TFPT: variants seen among roughly 807,000 people sequenced by gnomAD.
TFPT encodes TCF3 fusion partner.
TFPT carries 27 observed loss-of-function variants against 28.8 expected under a neutral mutation model. The ratio of observed to expected loss-of-function variants is 0.94; its 90% CI spans 0.69 to 1.29. The LOEUF is 1.29. Ranked by LOEUF, TFPT falls within the 50% of genes most tolerant of loss-of-function variation. TFPT has a pLI of 0.00. For synonymous variants in TFPT, 152 were observed against 142.8 expected (o/e 1.06, Z -0.46); for missense variants, 330 against 338.0 (o/e 0.98, Z 0.19).
rs758601188 is a variant in TFPT, at chr19:54,114,449, A to G, written c.275T>C (p.Ile92Thr). The G allele has an allele frequency of 1.9e-6, 3 of 1,612,724 alleles. No individual in the cohort carries two copies. Among genetic ancestry groups the G allele is most frequent in the African/African-American group, 2.7e-5 (2 of 74,914 alleles). ...GGATCCGCACTCACCTACCTGCTCG[A>G]TCTCCCGGCAGCGCCGACCTAGTGC... ...YQALGRRCRE[I>T]EQVNERVLNR... Residue 92 changes from isoleucine to threonine, a missense_variant, in exon 2 of 6, where the codon ATC (isoleucine) becomes ACC (threonine). Physicochemically the swap from Ile to Thr is moderately conservative, Grantham distance 89. Coordinates refer to ENST00000391759, the MANE Select transcript of TFPT (RefSeq NM_013342.4).
intron 1 of TFPT, 72 bp from the exon 2 acceptor site, chr19:54,114,772 C>G: frequency 3.3e-6 from 5 of 1,531,166 alleles, no homozygotes; most frequent in Non-Finnish European, 4.4e-6. Context: ...GAACCAGGAG[C>G]CCAGACCCCA....
chr19:54,110,286 C>T (rs1207704722), intron 2 of TFPT, among the ~76,000 whole-genome samples, 165 bp from the exon 3 acceptor site: 1 of 152,132 alleles, frequency 6.6e-6, no homozygotes, highest in African/African-American at 2.4e-5. Context: ...CTCACCATGC[C>T]ACAGTCCTGA....
chr19:54,115,587 C>G lies in TFPT; in HGVS notation c.-318G>C. On this transcript the variant is annotated 5_prime_UTR_variant, in exon 1 of 6. Coordinates refer to ENST00000391759, the MANE Select transcript of TFPT (RefSeq NM_013342.4). ...CGATTCTCTGCTTAGCAGGATCGGT[C>G]CACAGCGGGACGTGAGTCCCTTTCC... 1 of 511,352 alleles carries G rather than the reference C, an allele frequency of 2.0e-6. No individual in the cohort carries two copies. The allele number at this position is 511,352 out of a possible 1,614,324, so 31.7% of individuals were successfully genotyped here. A position where few individuals can be genotyped will look rare whatever the true frequency, so the allele number is the denominator to read the frequency against.
In TFPT at chr19:54,114,700, C is replaced by A; in HGVS notation, c.24G>T (p.Gly8=). The A allele has an allele frequency of 6.2e-7, 1 of 1,611,566 alleles. No homozygotes were observed. Residue 8 remains glycine (G), a splice_region_variant and synonymous_variant, in exon 2 of 6, where the codon GGG becomes GGT. Transcript: ENST00000391759. The stretch of plus-strand genomic sequence containing the variant: ...CCTCAAAGCCCACGGCTGCCATGGT[C>A]CTGAGAGGCAGGGAAAGGCTCAGGG... MELEQRE[G]TMAAVGFEEF...
chr19:54,114,318 A>T, intron 2 of TFPT, 124 bp downstream of exon 2: 1 of 1,447,024 alleles, frequency 6.9e-7, no homozygotes, highest in Non-Finnish European at 9.3e-7. Context: ...GACTGAATAT[A>T]TAAGCTAAAT....
intron 3 of TFPT, chr19:54,108,747 A>G: frequency 5.0e-6 from 4 of 794,282 alleles, no homozygotes; most frequent in Non-Finnish European, 7.8e-6. Flanking sequence ...ATTTTTATTG[A>G]TAACTGAAGA....
intron 2 of TFPT, among the ~76,000 whole-genome samples, chr19:54,112,284 C>T (rs587734649): frequency 6.6e-6 from 1 of 151,236 alleles, no homozygotes; most frequent in South Asian, 2.1e-4. Context: ...AGATCTGCCA[C>T]TGCTGAGCTC....
At chr19:54,115,212 G>T (rs146080618) in intron 1 of TFPT, 35 bp downstream of exon 1, 3 of 1,613,954 alleles carry the variant, frequency 1.9e-6, no homozygotes, top group Non-Finnish European at 2.5e-6. Context: ...TGTTTTCTGG[G>T]ATTCGCACTT....
At chr19:54,114,789 C>G (rs76403355) in intron 1 of TFPT, 89 bp from the exon 2 acceptor site, 48 of 1,375,594 alleles carry the variant, frequency 3.5e-5, no homozygotes, top group African/African-American at 2.4e-4. Flanking sequence ...CCCAACCCCT[C>G]CTCCCTGAGA....
Position 54,108,308 on chromosome 19 carries a change from T to C in TFPT, c.423+18A>G. 1.9e-6 allele frequency: 3 copies of C among 1,591,110 alleles called. No homozygotes were observed. Among genetic ancestry groups the C allele is most frequent in the Non-Finnish European group, 2.6e-6 (3 of 1,167,996 alleles). On this transcript the variant is annotated intron_variant, in intron 4 of 5. Coordinates refer to ENST00000391759, the MANE Select transcript of TFPT (RefSeq NM_013342.4). ...CTGAGCTCCCAGTTCCTGACCCTCC[T>C]GGAGGCCCAACACTCACCTCCAGCA...
In TFPT at chr19:54,108,755, A is replaced by G. The variant is rs1199839237; in HGVS notation, c.354-360T>C. Reference sequence around the variant, plus strand: ...AGTTATAATTTTTATTGATAACTGAAGAGAGGGGAGTACAGAACGCTCCTC... The same window carrying G: ...AGTTATAATTTTTATTGATAACTGAGGAGAGGGGAGTACAGAACGCTCCTC... On this transcript the variant is annotated intron_variant, in intron 3 of 5. Coordinates refer to ENST00000391759, the MANE Select transcript of TFPT (RefSeq NM_013342.4). 1.7e-5 allele frequency: 13 copies of G among 749,464 alleles called. No homozygotes were observed. In the African/African-American group the frequency reaches 2.3e-4, roughly 13 times the overall value. The allele number at this position is 749,464 out of a possible 1,614,324, so 46.4% of individuals were successfully genotyped here. A position where few individuals can be genotyped will look rare whatever the true frequency, so the allele number is the denominator to read the frequency against.
At chr19:54,107,928 C>T in intron 5 of TFPT, 98 bp downstream of exon 5, 4 of 1,326,882 alleles carry the variant, frequency 3.0e-6, no homozygotes, top group South Asian at 1.6e-5. Flanking sequence ...CTAACTCAGC[C>T]CCAGCCCTGG....
At chr19:54,107,246 C>T in intron 5 of TFPT, 77 bp from the exon 6 acceptor site, 1 of 1,565,834 alleles carries the variant, frequency 6.4e-7, no homozygotes, top group East Asian at 2.3e-5. Context: ...TTTTTGTTTT[C>T]ATTTTGTTTT....
intron 5 of TFPT, chr19:54,107,609 C>T (rs999876808): frequency 1.4e-4 from 37 of 269,634 alleles, no homozygotes; most frequent in African/African-American, 6.9e-4. Flanking sequence ...CAGAGGCAAT[C>T]CCAGTGTTCC....
Position 54,107,175 on chromosome 19 carries a change from G to C in TFPT, c.643-6C>G, listed in dbSNP as rs2073292849. 1.2e-6 allele frequency: 2 copies of C among 1,611,944 alleles called. No homozygotes were observed. The highest frequency in any genetic ancestry group is 1.7e-6 in the Non-Finnish European group (2 of 1,179,456). On this transcript the variant is annotated splice_region_variant and splice_polypyrimidine_tract_variant and intron_variant, in intron 5 of 5. Transcript: ENST00000391759. ...AAGTCTTCCTCAACCTTAATCTGCAGGAGATAAGGAACAAGGTGTTAACAG... is the reference window on the plus strand; with the variant it reads ...AAGTCTTCCTCAACCTTAATCTGCACGAGATAAGGAACAAGGTGTTAACAG...
chr19:54,111,989 GAGTTCA>G (rs376290771), intron 2 of TFPT, among the ~76,000 whole-genome samples: 114 of 151,730 alleles, frequency 7.5e-4, no homozygotes, highest in African/African-American at 2.6e-3. Context: ...TAAAAAAAAA[GAGTTCA>G]AGTTTTGGCT....
chr19:54,107,205 G>C (rs774080116), intron 5 of TFPT, 36 bp from the exon 6 acceptor site: 1 of 1,584,038 alleles, frequency 6.3e-7, no homozygotes, highest in Non-Finnish European at 8.6e-7. Flanking sequence ...TAACAGGCCT[G>C]GGAATCTAGA....
At chr19:54,112,371 G>A (rs1248946582) in intron 2 of TFPT, among the ~76,000 whole-genome samples, 1 of 152,138 alleles carries the variant, frequency 6.6e-6, no homozygotes, top group Non-Finnish European at 1.5e-5. Context: ...CTATTCCTGG[G>A]GGTGGATTAA....
Position 54,115,410 on chromosome 19 carries a change from T to A in TFPT, c.-141A>T, listed in dbSNP as rs2073597327. On this transcript the variant is annotated 5_prime_UTR_variant, in exon 1 of 6. Transcript: ENST00000391759. Reference sequence around the variant, plus strand: ...GTGGCCCTAGGCCTTGTGGGAGTTGTAGTTTCCTGTTTCCGGCTTCGCTTC... The same window carrying A: ...GTGGCCCTAGGCCTTGTGGGAGTTGAAGTTTCCTGTTTCCGGCTTCGCTTC... 4.2e-6 allele frequency: 5 copies of A among 1,192,740 alleles called. No homozygotes were observed. The highest frequency in any genetic ancestry group is 6.0e-6 in the Non-Finnish European group (5 of 829,898). 73.9% of individuals were successfully genotyped at this position (1,192,740 alleles called of 1,614,324 possible).
Sources: allele counts gnomAD v4.1 joint callset (sites outside exome capture counted in the v4.1 genomes callset), GRCh38; gene constraint gnomAD v4.1.1; transcripts MANE v1.5; gene names NCBI Gene and HGNC (gene_info 2026-07-23, HGNC 2026-07-21).